Variants in AR observed in about 807,000 individuals in gnomAD.
AR encodes the protein androgen receptor.
AR carries 8 observed loss-of-function variants against 53.9 expected under a neutral mutation model. The observed-to-expected ratio is 0.15, with a 90% CI of 0.09 to 0.27. The LOEUF is 0.27. Among genes scored for constraint, AR ranks in the 10% least tolerant of loss-of-function variants. The pLI is 1.00. For synonymous variants in AR, 359 were observed against 316.4 expected (o/e 1.13, Z -1.43); for missense variants, 639 against 742.5 (o/e 0.86, Z 1.62).
At chrX:67,627,239 T>C (rs1471604807) in intron 1 of AR, among the ~76,000 whole-genome samples, 5 of 111,387 alleles carry the variant, frequency 4.5e-5, no homozygotes, top group Non-Finnish European at 9.4e-5. Context: ...TAGTTTACAG[T>C]CCCACCAACA....
At position 67,730,418 on chromosome X, in the gene AR, G is replaced by A. The variant is rs2282289; in HGVS notation, c.*6577G>A. The A allele has an allele frequency of 9.0e-4, 154 of 171,715 alleles. 1 individual carries two copies. The East Asian group carries it at 0.013, about 14-fold the overall frequency. The allele number at this position is 171,715 out of a possible 1,213,427, so 14.2% of individuals were successfully genotyped here. A position where few individuals can be genotyped will look rare whatever the true frequency, so the allele number is the denominator to read the frequency against. On this transcript the variant is annotated 3_prime_UTR_variant, in exon 8 of 8. Transcript: ENST00000374690. ...TTGTTGGACTACATGTGTGACTTTG[G>A]GTCTGTCTCTGCCTCTGCTTTCAGA... is the stretch of plus-strand genomic sequence containing the variant.
At chrX:67,556,637 TC>T (rs1921065972) in intron 1 of AR, among the ~76,000 whole-genome samples, 1 of 112,150 alleles carries the variant, frequency 8.9e-6, no homozygotes, top group Admixed American at 9.4e-5. Flanking sequence ...GTAGTGTACA[TC>T]TGAGCATGAA....
chrX:67,623,556 A>G (rs373089365), intron 1 of AR, among the ~76,000 whole-genome samples: 27 of 111,840 alleles, frequency 2.4e-4, no homozygotes, highest in African/African-American at 8.4e-4. Flanking sequence ...AAATGATCTC[A>G]AATCAAGAAC....
At chrX:67,577,202 A>T (rs1922095996) in intron 1 of AR, among the ~76,000 whole-genome samples, 1 of 110,540 alleles carries the variant, frequency 9.0e-6, no homozygotes, top group Admixed American at 9.6e-5. Flanking sequence ...TGGACATTTC[A>T]TGTAAACAGA....
At position 67,670,964 on chromosome X, in the gene AR, G is replaced by T. The variant is rs772461656; in HGVS notation, c.1769-15046G>T. The stretch of plus-strand genomic sequence containing the variant: ...TTTTGATGGCTGCATAGTATTCCAT[G>T]GTGTATATGTGCCACGTTTTCTTTA... On this transcript the variant is annotated intron_variant, in intron 2 of 7. Coordinates refer to ENST00000374690, the MANE Select transcript of AR (RefSeq NM_000044.6). Among the ~76,000 whole-genome samples the T allele has an allele frequency of 1.8e-4, 20 of 111,799 alleles. No individual in the cohort carries two copies. In the South Asian group the frequency reaches 3.8e-3, roughly 21 times the overall value.
intron 1 of AR, among the ~76,000 whole-genome samples, chrX:67,569,646 A>AT (rs1475667548): frequency 9.1e-6 from 1 of 109,450 alleles, no homozygotes; most frequent in Non-Finnish European, 1.9e-5. Flanking sequence ...GCCTTCATGT[A>AT]TTTTTTCCCC....
chrX:67,573,086 C>G (rs1921898394), intron 1 of AR, among the ~76,000 whole-genome samples: 1 of 111,011 alleles, frequency 9.0e-6, no homozygotes, highest in African/African-American at 3.3e-5. Flanking sequence ...ATAGTTATTT[C>G]CCTATAATAT....
At chrX:67,598,717 G>A (rs1435894369) in intron 1 of AR, among the ~76,000 whole-genome samples, 1 of 110,915 alleles carries the variant, frequency 9.0e-6, no homozygotes, top group Non-Finnish European at 1.9e-5. Context: ...TGGAATTACT[G>A]GGCTCCAGAA....
At chrX:67,673,369 G>GTCTC (rs3070073) in intron 2 of AR, among the ~76,000 whole-genome samples, 2,549 of 97,534 alleles carry the variant, frequency 0.026, 45 homozygotes, top group Non-Finnish European at 0.038. Flanking sequence ...TTCTCTCTCT[G>GTCTC]TCTCTCTCTC....
At position 67,678,952 on chromosome X, in the gene AR, T is replaced by C. The variant is rs141340859; in HGVS notation, c.1769-7058T>C. ...AGTTATATAGAAGGAATAAGTTATA[T>C]TGAACTATTGCACAGCATGGTGACC... On this transcript the variant is annotated intron_variant, in intron 2 of 7. Coordinates refer to ENST00000374690, the MANE Select transcript of AR (RefSeq NM_000044.6). 2.1e-3 allele frequency among the ~76,000 whole-genome samples: 234 copies of C among 111,721 alleles called. 7 individuals are homozygous for C. In the East Asian group the frequency reaches 0.059, roughly 28 times the overall value.
intron 1 of AR, among the ~76,000 whole-genome samples, chrX:67,593,521 T>C (rs1922933942): frequency 9.1e-6 from 1 of 110,004 alleles, no homozygotes; most frequent in Non-Finnish European, 1.9e-5. Context: ...CCAGCTAATG[T>C]TTGTATTTTT....
Position 67,722,870 on chromosome X carries a change from T to C in AR, c.2493T>C (p.Leu831=), listed in dbSNP as rs2060100891. The C allele has an allele frequency of 1.7e-6, 2 of 1,210,849 alleles. No homozygotes were observed. Among genetic ancestry groups the C allele is most frequent in the Middle Eastern group, 2.3e-4 (1 of 4,349 alleles). ...GLKNQKFFDE[L]RMNYIKELDR... is the part of the protein sequence containing the mutation. The stretch of plus-strand genomic sequence containing the variant: ...AAAATCAAAAATTCTTTGATGAACT[T>C]CGAATGAACTACATCAAGGAACTCG... The change falls in exon 7 of 8, where the codon CTT becomes CTC. Residue 831 remains leucine (L), a synonymous_variant. Transcript: ENST00000374690.
chrX:67,669,085 A>G (rs533790348), intron 2 of AR, among the ~76,000 whole-genome samples: 125 of 109,309 alleles, frequency 1.1e-3, no homozygotes, highest in African/African-American at 4.0e-3. Context: ...CATTTCTTCC[A>G]GTTATTTGAG....
At chrX:67,559,140 G>A (rs1332043052) in intron 1 of AR, among the ~76,000 whole-genome samples, 1 of 112,221 alleles carries the variant, frequency 8.9e-6, no homozygotes, top group African/African-American at 3.2e-5. Flanking sequence ...AGCACTCTTA[G>A]AAGGAAGGAT....
At chrX:67,666,070 C>A in intron 2 of AR, among the ~76,000 whole-genome samples, 1 of 111,367 alleles carries the variant, frequency 9.0e-6, no homozygotes, top group East Asian at 2.8e-4. Context: ...TACAAACAAT[C>A]CAATTATATT....
chrX:67,721,796 C>T, intron 5 of AR, 37 bp from the exon 6 acceptor site: 2 of 1,209,628 alleles, frequency 1.7e-6, no homozygotes, highest in South Asian at 3.5e-5. Context: ...TGTAAACTTC[C>T]CCTCATTCCT....
In AR at chrX:67,723,055, A is replaced by G. The variant is rs186603571; in HGVS notation, c.2607+71A>G. 3.2e-4 allele frequency: 363 copies of G among 1,140,639 alleles called. No individual in the cohort carries two copies. The African/African-American group carries it at 6.3e-3, about 20-fold the overall frequency. 94.0% of individuals were successfully genotyped at this position (1,140,639 alleles called of 1,213,427 possible). On this transcript the variant is annotated intron_variant, in intron 7 of 7. Coordinates refer to ENST00000374690, the MANE Select transcript of AR (RefSeq NM_000044.6). ...AGAGCCAATGATAATATGCTTCTCT[A>G]GAGTCTGGCACCACCTGTTGGGAGG...
chrX:67,601,600 A>G (rs942204556), intron 1 of AR, among the ~76,000 whole-genome samples: 3 of 112,154 alleles, frequency 2.7e-5, no homozygotes, highest in Non-Finnish European at 3.8e-5. Flanking sequence ...TATGATAGGT[A>G]CTTCTACATT....
chrX:67,670,892 G>A (rs1039210772), intron 2 of AR, among the ~76,000 whole-genome samples: 5 of 110,867 alleles, frequency 4.5e-5, no homozygotes, highest in Non-Finnish European at 9.4e-5. Flanking sequence ...TGAGGATGAT[G>A]GTTTCCAGCT....
Sources: gnomAD v4.1 joint callset for allele counts (sites outside exome capture counted in the v4.1 genomes callset) on GRCh38, gnomAD v4.1.1 for gene constraint, MANE v1.5 for transcripts, NCBI Gene and HGNC (gene_info 2026-07-23, HGNC 2026-07-21) for gene names.